Variants in AMOTL1 observed in about 807,000 individuals in gnomAD.
AMOTL1 encodes the protein angiomotin like 1.
In AMOTL1, 45 loss-of-function variants were observed where a neutral mutation model predicts 102.9. The ratio of observed to expected loss-of-function variants is 0.44; its 90% confidence interval spans 0.34 to 0.56. AMOTL1 has a LOEUF of 0.56. Among genes scored for constraint, AMOTL1 ranks in the 20% least tolerant of loss-of-function variants. AMOTL1 has a pLI of 0.01. For synonymous variants in AMOTL1, 481 were observed against 484.7 expected (o/e 0.99, Z 0.10); for missense variants, 1,114 against 1,225.6 (o/e 0.91, Z 1.36).
intron 6 of AMOTL1, among the ~76,000 whole-genome samples, chr11:94,832,014 C>T (rs961763761): frequency 3.9e-5 from 6 of 152,198 alleles, no homozygotes; most frequent in African/African-American, 1.4e-4. Flanking sequence ...GTGTAACACT[C>T]ATTTCCAGAA....
At chr11:94,802,905 C>T (rs530933722) in intron 3 of AMOTL1, among the ~76,000 whole-genome samples, 14 of 152,366 alleles carry the variant, frequency 9.2e-5, no homozygotes, top group African/African-American at 3.4e-4. Flanking sequence ...AGTAGGGCCC[C>T]TTTCATTTCA....
At chr11:94,791,810 T>C (rs1008425511) in intron 1 of AMOTL1, among the ~76,000 whole-genome samples, 2 of 152,256 alleles carry the variant, frequency 1.3e-5, no homozygotes, top group Admixed American at 1.3e-4. Context: ...TCATTTCAGA[T>C]ATCCTTGACC....
At chr11:94,792,779 GC>G (rs1951306799) in intron 1 of AMOTL1, among the ~76,000 whole-genome samples, 1 of 152,168 alleles carries the variant, frequency 6.6e-6, no homozygotes, top group Admixed American at 6.5e-5. Context: ...TGTGTGAAAT[GC>G]TTTAGTTCTT....
rs929563351 is a variant in AMOTL1 at position 94,790,615 on chromosome 11, G to A, written c.50-4396G>A. On this transcript the variant is annotated intron_variant, in intron 1 of 12. Coordinates refer to ENST00000433060, the MANE Select transcript of AMOTL1 (RefSeq NM_130847.3). Reference sequence around the variant, plus strand: ...CAGCAGGACTATGCACAGCTAAAGGGGGCCCTGTTTAGAGACAGCCTTGAA... The same window carrying A: ...CAGCAGGACTATGCACAGCTAAAGGAGGCCCTGTTTAGAGACAGCCTTGAA... Among the ~76,000 whole-genome samples, 3 of 152,140 alleles carry A rather than the reference G, an allele frequency of 2.0e-5. No homozygotes were observed. The East Asian group carries it at 5.8e-4, about 29-fold the overall frequency.
chr11:94,793,149 A>C (rs544888901), intron 1 of AMOTL1, among the ~76,000 whole-genome samples: 99 of 152,276 alleles, frequency 6.5e-4, no homozygotes, highest in Non-Finnish European at 9.7e-4. Context: ...TAACATTCTT[A>C]GTCATGTGAC....
At chr11:94,870,494 C>T (rs1012259163) in intron 12 of AMOTL1, among the ~76,000 whole-genome samples, 195 bp from the exon 13 acceptor site, 3 of 152,202 alleles carry the variant, frequency 2.0e-5, no homozygotes, top group African/African-American at 7.2e-5. Context: ...CCTTCACCAT[C>T]CTGGTTTGTA....
chr11:94,800,136 A>G lies in AMOTL1; in HGVS notation c.946A>G (p.Lys316Glu). The change falls in exon 3 of 13, where the codon AAG (lysine) becomes GAG (glutamate). Residue 316 changes from lysine to glutamate, a missense_variant. Transcript: ENST00000433060. ...PRGPPPEYPF[K>E]TKQMMSPVSK... ...GGGTCCTCCACCTGAGTACCCCTTC[A>G]AGACCAAGCAAATGATGTCCCCAGT... 6.2e-7 allele frequency: 1 copy of G among 1,613,936 alleles called. No homozygotes were observed. Among genetic ancestry groups the G allele is most frequent in the Non-Finnish European group, 8.5e-7 (1 of 1,179,868 alleles).
intron 3 of AMOTL1, among the ~76,000 whole-genome samples, chr11:94,753,899 C>T (rs1262275344): frequency 2.0e-5 from 3 of 152,204 alleles, no homozygotes; most frequent in African/African-American, 7.2e-5. Flanking sequence ...CACAGTCCTT[C>T]CCTCAAAGAA....
intron 1 of AMOTL1, 26 bp from the exon 2 acceptor site, chr11:94,794,985 T>C: frequency 6.3e-7 from 1 of 1,597,804 alleles, no homozygotes; most frequent in Non-Finnish European, 8.5e-7. Context: ...TGGGCACTCA[T>C]ATTCACTTCG....
intron 3 of AMOTL1, among the ~76,000 whole-genome samples, chr11:94,815,521 C>T (rs898013620): frequency 5.3e-4 from 80 of 152,096 alleles, no homozygotes; most frequent in Non-Finnish European, 7.4e-5. Flanking sequence ...ATAAACTTAT[C>T]ATATAATTTA....
rs149312597 is a variant in AMOTL1, at chr11:94,795,176, G to A, written c.199+16G>A. 460 of 1,611,942 alleles carry A rather than the reference G, an allele frequency of 2.9e-4. 2 individuals carry two copies. The African/African-American group carries it at 4.9e-3, about 17-fold the overall frequency. Reference sequence around the variant, plus strand: ...GAAAAAGTTGGTAAGTCCTTTTACCGGCACTTGTGTTGGAAAAGCAAAATG... The same window carrying A: ...GAAAAAGTTGGTAAGTCCTTTTACCAGCACTTGTGTTGGAAAAGCAAAATG... On this transcript the variant is annotated intron_variant, in intron 2 of 12. Coordinates refer to ENST00000433060, the MANE Select transcript of AMOTL1 (RefSeq NM_130847.3).
intron 8 of AMOTL1, among the ~76,000 whole-genome samples, chr11:94,856,527 A>T (rs1400329364): frequency 6.6e-6 from 1 of 151,866 alleles, no homozygotes; most frequent in Non-Finnish European, 1.5e-5. Flanking sequence ...CATCTGAGGA[A>T]CTCAGCCTGT....
intron 6 of AMOTL1, among the ~76,000 whole-genome samples, chr11:94,839,956 G>A (rs1952262799): frequency 1.3e-5 from 2 of 152,150 alleles, no homozygotes; most frequent in Non-Finnish European, 2.9e-5. Context: ...AACATTCTGT[G>A]CCTTTGGCTT....
At chr11:94,735,910 A>G (rs752221271) in intron 2 of AMOTL1, among the ~76,000 whole-genome samples, 2 of 152,224 alleles carry the variant, frequency 1.3e-5, no homozygotes, top group Non-Finnish European at 1.5e-5. Flanking sequence ...GGAAAGAAAG[A>G]ACATTAGAGT....
chr11:94,844,067 C>T (rs1952359354), intron 6 of AMOTL1, among the ~76,000 whole-genome samples: 1 of 151,990 alleles, frequency 6.6e-6, no homozygotes, highest in South Asian at 2.1e-4. Context: ...TCAGAGAGTC[C>T]CAGAGACTGT....
At chr11:94,751,449 C>T (rs957503677) in intron 3 of AMOTL1, among the ~76,000 whole-genome samples, 36 of 152,154 alleles carry the variant, frequency 2.4e-4, no homozygotes, top group African/African-American at 8.4e-4. Flanking sequence ...GAAACGAAAC[C>T]TTTGCAGCAG....
rs61893494 is a variant in AMOTL1, at chr11:94,788,958, G to T, written c.50-6053G>T. On this transcript the variant is annotated intron_variant, in intron 1 of 12. Coordinates refer to ENST00000433060, the MANE Select transcript of AMOTL1 (RefSeq NM_130847.3). ...TTCTGGAACATATGGATTGGTCCAG[G>T]GTTTAGAATTCAAGTTTGATGCCCA... Among the ~76,000 whole-genome samples, 536 of 152,194 alleles carry T rather than the reference G, an allele frequency of 3.5e-3. 6 individuals carry two copies. The highest frequency in any genetic ancestry group is 0.012 in the African/African-American group (496 of 41,524).
intron 7 of AMOTL1, among the ~76,000 whole-genome samples, chr11:94,853,590 T>C (rs913012086): frequency 6.6e-6 from 1 of 152,222 alleles, no homozygotes; most frequent in Non-Finnish European, 1.5e-5. Flanking sequence ...GCAATAAACA[T>C]ACGTGCAAAA....
chr11:94,861,158 G>A lies in AMOTL1; in HGVS notation c.2135+1443G>A, dbSNP rs558503284. On this transcript the variant is annotated intron_variant, in intron 9 of 12. Coordinates refer to ENST00000433060, the MANE Select transcript of AMOTL1 (RefSeq NM_130847.3). ...GGGAAGCAGCCCGCAGTATCCATGA[G>A]AGTGAGGCTTTGGGAGTGGGGATAG... Among the ~76,000 whole-genome samples the A allele has an allele frequency of 3.9e-5, 6 of 152,338 alleles. No homozygotes were observed. In the South Asian group the frequency reaches 8.3e-4, roughly 21 times the overall value.
Sources: allele counts gnomAD v4.1 joint callset (sites outside exome capture counted in the v4.1 genomes callset), GRCh38; gene constraint gnomAD v4.1.1; transcripts MANE v1.5; gene names NCBI Gene and HGNC (gene_info 2026-07-23, HGNC 2026-07-21).